The following FHIT variants were observed in gnomAD, a reference collection of about 807,000 sequenced individuals.
FHIT encodes the protein bis(5'-adenosyl)-triphosphatase.
FHIT carries 19 observed loss-of-function variants against 17.9 expected under a neutral mutation model. The observed-to-expected ratio is 1.06, with a 90% CI of 0.74 to 1.56. The LOEUF (loss-of-function observed/expected upper bound fraction) is 1.56. Among genes scored for constraint, FHIT ranks in the 40% most tolerant of loss-of-function variants. The probability of loss-of-function intolerance (pLI) is 0.00; values close to 1 mark genes in which losing one functional copy is unlikely to be tolerated. For missense variants in FHIT, 248 were observed against 189.2 expected (o/e 1.31, Z -1.82); for synonymous variants, 81 against 69.7 (o/e 1.16, Z -0.81).
intron 4 of FHIT, among the ~76,000 whole-genome samples, chr3:60,734,175 T>C (rs1477471218): frequency 2.0e-5 from 3 of 151,834 alleles, no homozygotes; most frequent in Non-Finnish European, 2.9e-5. Context: ...CAGACATCAT[T>C]AAGTGATCAC....
chr3:61,191,450 G>C (rs995516692), intron 2 of FHIT, among the ~76,000 whole-genome samples: 12 of 152,156 alleles, frequency 7.9e-5, no homozygotes, highest in African/African-American at 2.9e-4. Flanking sequence ...TGGGTCTCCA[G>C]CTTGCAGACA....
intron 5 of FHIT, among the ~76,000 whole-genome samples, chr3:60,532,372 T>C (rs185603449): frequency 6.2e-4 from 95 of 152,316 alleles, no homozygotes; most frequent in African/African-American, 2.1e-3. Context: ...TTCATTTTCA[T>C]GCTCAACTCA....
intron 7 of FHIT, among the ~76,000 whole-genome samples, chr3:59,994,752 C>G (rs11708751): frequency 5.9e-5 from 9 of 152,002 alleles, no homozygotes; most frequent in Non-Finnish European, 1.3e-4. Context: ...TACAAAGGGT[C>G]GCCATTGATA....
chr3:60,910,536 C>G (rs1553765604), intron 3 of FHIT, among the ~76,000 whole-genome samples: 1 of 151,910 alleles, frequency 6.6e-6, no homozygotes, highest in African/African-American at 2.4e-5. Flanking sequence ...CTCAGCCTCC[C>G]GAGTAGCTGG....
chr3:60,744,268 C>CAAAAAAAAAAAAAAAAAAAAAAAA (rs374691493), intron 4 of FHIT, among the ~76,000 whole-genome samples: 11 of 80,066 alleles, frequency 1.4e-4, no homozygotes, highest in South Asian at 6.0e-4. Context: ...CAAAACAAAA[C>CAAAAAAAAAAAAAAAAAAAAAAAA]AAAAAAAAAA....
At chr3:60,177,566 C>T (rs1701736824) in intron 5 of FHIT, among the ~76,000 whole-genome samples, 1 of 152,144 alleles carries the variant, frequency 6.6e-6, no homozygotes, top group South Asian at 2.1e-4. Flanking sequence ...CAGACAAATT[C>T]CATTTTGTAA....
At chr3:59,987,304 T>C (rs1424839106) in intron 7 of FHIT, among the ~76,000 whole-genome samples, 2 of 151,760 alleles carry the variant, frequency 1.3e-5, no homozygotes, top group African/African-American at 4.8e-5. Context: ...ATTCACCTGG[T>C]ATAAATGAGC....
At chr3:60,946,873 T>C (rs1708663018) in intron 3 of FHIT, among the ~76,000 whole-genome samples, 2 of 152,204 alleles carry the variant, frequency 1.3e-5, no homozygotes, top group Non-Finnish European at 2.9e-5. Context: ...TGTTGATATC[T>C]ACGCCATCCT....
intron 5 of FHIT, among the ~76,000 whole-genome samples, chr3:60,318,707 C>T (rs1293654184): frequency 6.6e-6 from 1 of 152,184 alleles, no homozygotes; most frequent in African/African-American, 2.4e-5. Context: ...TTAAAAGTTT[C>T]TGACTCTCTG....
At chr3:61,155,416 C>T (rs563542336) in intron 2 of FHIT, among the ~76,000 whole-genome samples, 1 of 152,272 alleles carries the variant, frequency 6.6e-6, no homozygotes, top group East Asian at 1.9e-4. Context: ...TAAACAAACT[C>T]TAGCCCTCTC....
At chr3:60,178,507 AC>A (rs1216865031) in intron 5 of FHIT, among the ~76,000 whole-genome samples, 6 of 151,686 alleles carry the variant, frequency 4.0e-5, no homozygotes, top group African/African-American at 1.2e-4. Flanking sequence ...AATCACTTGA[AC>A]CCTGGAGGCA....
chr3:60,816,859 A>T (rs1701757449), intron 4 of FHIT, among the ~76,000 whole-genome samples: 1 of 151,950 alleles, frequency 6.6e-6, no homozygotes, highest in Non-Finnish European at 1.5e-5. Flanking sequence ...CTACATTTTA[A>T]TTAGTGATTA....
At chr3:60,480,505 T>G (rs754683180) in intron 5 of FHIT, among the ~76,000 whole-genome samples, 74 of 152,280 alleles carry the variant, frequency 4.9e-4, no homozygotes, top group Non-Finnish European at 7.9e-4. Flanking sequence ...CCCTTCCACT[T>G]AGGAACCTGT....
rs541125462 is a variant in FHIT, at chr3:60,543,191, T to G, written c.-17-6212A>C. Among the ~76,000 whole-genome samples, 3 of 152,318 alleles carry G rather than the reference T, an allele frequency of 2.0e-5. No individual in the cohort carries two copies. In the South Asian group the frequency reaches 6.2e-4, roughly 32 times the overall value. On this transcript the variant is annotated intron_variant, in intron 4 of 9. Coordinates refer to ENST00000492590, the MANE Select transcript of FHIT (RefSeq NM_002012.4). ...TTGTCATGGCAGCATGAAAGCAGTA[T>G]GAGTAGGCGTGGCTGTGCCCCAGTA...
chr3:60,733,701 C>A (rs561678067), intron 4 of FHIT, among the ~76,000 whole-genome samples: 17 of 152,298 alleles, frequency 1.1e-4, no homozygotes, highest in Admixed American at 9.2e-4. Context: ...AGTATGTATG[C>A]TCTGTGGTCC....
chr3:61,104,301 G>C (rs1332189176), intron 2 of FHIT, among the ~76,000 whole-genome samples: 2 of 152,108 alleles, frequency 1.3e-5, no homozygotes, highest in African/African-American at 4.8e-5. Flanking sequence ...GTCTGAAAAG[G>C]ATCTTATTTC....
intron 8 of FHIT, among the ~76,000 whole-genome samples, chr3:59,869,483 C>CTTT (rs1702812591): frequency 1.2e-5 from 1 of 80,536 alleles, no homozygotes; most frequent in Non-Finnish European, 2.4e-5. Context: ...TAAAGAACAT[C>CTTT]CTTTTTTTTT....
chr3:60,041,436 G>A (rs551685876), intron 5 of FHIT, among the ~76,000 whole-genome samples: 8 of 152,282 alleles, frequency 5.3e-5, no homozygotes, highest in African/African-American at 1.9e-4. Flanking sequence ...GCAATGCCCT[G>A]AATAATAATT....
At chr3:60,851,210 T>C (rs1379555812) in intron 3 of FHIT, among the ~76,000 whole-genome samples, 1 of 152,172 alleles carries the variant, frequency 6.6e-6, no homozygotes, top group African/African-American at 2.4e-5. Flanking sequence ...AGTCAGAGCT[T>C]AGAAAGTCTC....
Sources: gnomAD v4.1 joint callset for allele counts (sites outside exome capture counted in the v4.1 genomes callset) on GRCh38, gnomAD v4.1.1 for gene constraint, MANE v1.5 for transcripts, NCBI Gene and HGNC (gene_info 2026-07-23, HGNC 2026-07-21) for gene names.